The following SLA2 variants were observed in gnomAD, a reference collection of about 807,000 sequenced individuals.
SLA2 encodes src-like-adapter 2.
A neutral mutation model predicts 27.3 loss-of-function variants in SLA2; 22 were observed. The observed-to-expected ratio is 0.81, with a 90% CI of 0.58 to 1.15. SLA2 has a LOEUF of 1.15. Ranked by LOEUF, SLA2 falls within the 50% of genes most tolerant of loss-of-function variation. SLA2 has a pLI of 0.00. For synonymous variants in SLA2, 131 were observed against 137.8 expected, an observed-to-expected ratio of 0.95 and a Z score of 0.34; for missense variants, 304 against 322.2, an observed-to-expected ratio of 0.94 and a Z score of 0.43.
At chr20:36,615,686 T>C (rs557011854) in intron 5 of SLA2, among the ~76,000 whole-genome samples, 1 of 152,196 alleles carries the variant, frequency 6.6e-6, no homozygotes, top group East Asian at 1.9e-4. Context: ...GCAAAAACAC[T>C]GTCAAGAAGA....
At chr20:36,636,934 C>G (rs1351908034) in intron 2 of SLA2, among the ~76,000 whole-genome samples, 13 of 151,692 alleles carry the variant, frequency 8.6e-5, no homozygotes, top group Admixed American at 7.9e-4. Context: ...ATGGGCAACA[C>G]AGCAAGATTC....
intron 5 of SLA2, chr20:36,620,615 G>C (rs1362491649): frequency 6.8e-6 from 1 of 147,802 alleles, no homozygotes; most frequent in Non-Finnish European, 1.4e-5. Flanking sequence ...TGTTGCCCAG[G>C]CTGGAGTACA....
At position 36,636,631 on chromosome 20, in the gene SLA2, T is replaced by A. The variant is rs1225627141; in HGVS notation, c.92-2042A>T. Among the ~76,000 whole-genome samples, 1,180 of 127,510 alleles carry A rather than the reference T, an allele frequency of 9.3e-3. 39 individuals carry two copies. The highest frequency in any genetic ancestry group is 0.035 in the African/African-American group (1,120 of 32,084). The allele number at this position is 127,510 out of a possible 152,430, so 83.7% of individuals were successfully genotyped here. A position where few individuals can be genotyped will look rare whatever the true frequency, so the allele number is the denominator to read the frequency against. On this transcript the variant is annotated intron_variant, in intron 2 of 7. Transcript: ENST00000262866. ...AAAAAGAAAAAAAAAAAAATATATA[T>A]ATATATATATATATATATATATGGT...
intron 4 of SLA2, 34 bp from the exon 5 acceptor site, chr20:36,632,732 G>T: frequency 6.3e-7 from 1 of 1,582,664 alleles, no homozygotes; most frequent in South Asian, 1.1e-5. Flanking sequence ...AAGGGACAGG[G>T]TCAGCCTGGA....
chr20:36,643,009 AG>A (rs1226889576), intron 1 of SLA2, among the ~76,000 whole-genome samples: 2 of 152,156 alleles, frequency 1.3e-5, no homozygotes, highest in Admixed American at 6.5e-5. Flanking sequence ...CATGGGACCC[AG>A]CCTCCCTTGG....
intron 3 of SLA2, 65 bp from the exon 4 acceptor site, chr20:36,633,694 C>A: frequency 7.2e-7 from 1 of 1,397,642 alleles, no homozygotes; most frequent in South Asian, 1.2e-5. Flanking sequence ...ACCACACATT[C>A]AGGGCTTGCA....
intron 2 of SLA2, among the ~76,000 whole-genome samples, chr20:36,636,194 G>A (rs1173221088): frequency 2.0e-5 from 3 of 150,862 alleles, no homozygotes; most frequent in Non-Finnish European, 4.4e-5. Flanking sequence ...GAGGCGGGTG[G>A]ATCATGAGGT....
chr20:36,619,215 T>TGG (rs754928522), intron 5 of SLA2, among the ~76,000 whole-genome samples: 1 of 83,258 alleles, frequency 1.2e-5, no homozygotes, highest in Non-Finnish European at 2.4e-5. Context: ...AGTGAGACTC[T>TGG]GGGGGAAAAA....
intron 1 of SLA2, 64 bp from the exon 2 acceptor site, chr20:36,641,442 C>A: frequency 1.1e-6 from 1 of 913,264 alleles, no homozygotes; most frequent in Non-Finnish European, 1.7e-6. Context: ...ATACCTCTCC[C>A]TCCCCAGATC....
rs2039279178 is a variant in SLA2 at position 36,621,244 on chromosome 20, G to T, written c.383-5870C>A. ...TTACAATGAAGGAGGAAATTTTGGC[G>T]CTGGTAACTATGCTGGTGATGGGAA... On this transcript the variant is annotated intron_variant, in intron 5 of 7. Coordinates refer to ENST00000262866, the MANE Select transcript of SLA2 (RefSeq NM_032214.4). 10 of 551,528 alleles carry T rather than the reference G, an allele frequency of 1.8e-5. 1 individual carries two copies. The highest frequency in any genetic ancestry group is 1.5e-5 in the South Asian group (1 of 68,614). 34.2% of individuals were successfully genotyped at this position (551,528 alleles called of 1,614,324 possible). A position where few individuals can be genotyped will look rare whatever the true frequency, so the allele number is the denominator to read the frequency against.
chr20:36,624,343 C>G (rs1005922874), intron 5 of SLA2, among the ~76,000 whole-genome samples: 18 of 152,184 alleles, frequency 1.2e-4, no homozygotes, highest in Non-Finnish European at 2.2e-4. Context: ...CCTGTCTTCC[C>G]TGACCGCCTG....
chr20:36,637,936 T>C (rs568126473), intron 2 of SLA2, among the ~76,000 whole-genome samples: 9 of 143,478 alleles, frequency 6.3e-5, no homozygotes, highest in Non-Finnish European at 1.1e-4. Context: ...TCGCCCGGGC[T>C]GGACTGCAAT....
chr20:36,630,170 A>C (rs548687183), intron 5 of SLA2, among the ~76,000 whole-genome samples: 6 of 152,150 alleles, frequency 3.9e-5, no homozygotes, highest in Non-Finnish European at 5.9e-5. Flanking sequence ...TCCACTCCGC[A>C]ACGCTGCTGT....
At chr20:36,638,174 C>A (rs914609043) in intron 2 of SLA2, among the ~76,000 whole-genome samples, 1 of 151,818 alleles carries the variant, frequency 6.6e-6, no homozygotes, top group African/African-American at 2.4e-5. Context: ...TACAGGCATG[C>A]GCCTGGCCTG....
chr20:36,627,338 G>A (rs2039349601), intron 5 of SLA2, among the ~76,000 whole-genome samples: 1 of 152,194 alleles, frequency 6.6e-6, no homozygotes, highest in Non-Finnish European at 1.5e-5. Flanking sequence ...GGGAGTGAGG[G>A]ATGAGGGATC....
chr20:36,631,808 C>T (rs2039395482), intron 5 of SLA2, among the ~76,000 whole-genome samples: 1 of 152,200 alleles, frequency 6.6e-6, no homozygotes, highest in Admixed American at 6.5e-5. Context: ...CTGAAGCCTC[C>T]CCACATCATA....
Position 36,613,527 on chromosome 20 carries a change from A to G in SLA2, c.*339T>C. 1 of 197,300 alleles carries G rather than the reference A, an allele frequency of 5.1e-6. No individual in the cohort carries two copies. The highest frequency in any genetic ancestry group is 1.0e-5 in the Non-Finnish European group (1 of 97,278). The allele number at this position is 197,300 out of a possible 1,614,324, so 12.2% of individuals were successfully genotyped here. ...TGGTGGGGATGTAGAATGGGGCTCAACAGGCAGGGCATCCAGATGGTACTG... is the reference window on the plus strand; with the variant it reads ...TGGTGGGGATGTAGAATGGGGCTCAGCAGGCAGGGCATCCAGATGGTACTG... On this transcript the variant is annotated 3_prime_UTR_variant, in exon 8 of 8. Transcript: ENST00000262866.
Position 36,615,368 on chromosome 20 carries a change from T to TA in SLA2, c.388dup (p.Tyr130LeufsTer25). ...GCGGCTGAGGCGGACTGACAGAGAG[T>TA]AAGAGCCTGAGGAGAAAGGGGTCCA... On this transcript the variant is annotated frameshift_variant, in exon 6 of 8. Transcript: ENST00000262866. LOFTEE classifies it high-confidence loss of function. 3 of 1,613,114 alleles carry TA rather than the reference T, an allele frequency of 1.9e-6. No homozygotes were observed. The highest frequency in any genetic ancestry group is 2.5e-6 in the Non-Finnish European group (3 of 1,179,838).
intron 2 of SLA2, among the ~76,000 whole-genome samples, chr20:36,639,895 G>T (rs180936625): frequency 6.6e-6 from 1 of 151,706 alleles, no homozygotes; most frequent in African/African-American, 2.4e-5. Flanking sequence ...AGAATTGCTA[G>T]GATATTTTTA....
Sources: allele counts gnomAD v4.1 joint callset (sites outside exome capture counted in the v4.1 genomes callset), GRCh38; gene constraint gnomAD v4.1.1; transcripts MANE v1.5; gene names NCBI Gene and HGNC (gene_info 2026-07-23, HGNC 2026-07-21).